The following EPHA3 variants were observed in gnomAD, a reference collection of about 807,000 sequenced individuals.
EPHA3 encodes EPH receptor A3, also known as ephrin type-A receptor 3.
Under a neutral mutation model 107.1 loss-of-function variants are expected in EPHA3, and 42 were observed. That is an observed-to-expected ratio of 0.39 (90% confidence interval 0.31 to 0.51). The LOEUF is 0.51. EPHA3 is among the 20% of genes least tolerant of loss of function. The pLI is 0.78. For missense variants in EPHA3, 1,183 were observed against 1,211.2 expected (o/e 0.98, Z 0.35); for synonymous variants, 461 against 424.8 (o/e 1.09, Z -1.05).
intron 2 of EPHA3, among the ~76,000 whole-genome samples, chr3:89,204,414 C>T (rs1197958878): frequency 1.3e-5 from 2 of 151,928 alleles, no homozygotes; most frequent in East Asian, 3.9e-4. Context: ...GATTTTCCAA[C>T]ATCAAATCTC....
chr3:89,162,802 A>G (rs1224465568), intron 2 of EPHA3, among the ~76,000 whole-genome samples: 1 of 152,164 alleles, frequency 6.6e-6, no homozygotes, highest in African/African-American at 2.4e-5. Flanking sequence ...CTGCAAAATC[A>G]CTGGATGTGC....
intron 2 of EPHA3, among the ~76,000 whole-genome samples, chr3:89,206,383 T>C (rs1289572698): frequency 6.6e-6 from 1 of 152,156 alleles, no homozygotes; most frequent in Non-Finnish European, 1.5e-5. Context: ...CAGAATAAAT[T>C]TGCAAATGAT....
chr3:89,386,463 G>A (rs2107492245), intron 5 of EPHA3, among the ~76,000 whole-genome samples: 1 of 152,288 alleles, frequency 6.6e-6, no homozygotes, highest in Non-Finnish European at 1.5e-5. Flanking sequence ...CTTCTTCCTA[G>A]TGTTGAGCCT....
chr3:89,225,857 A>C (rs1704489214), intron 3 of EPHA3, among the ~76,000 whole-genome samples: 1 of 152,156 alleles, frequency 6.6e-6, no homozygotes, highest in Non-Finnish European at 1.5e-5. Flanking sequence ...AAAGAACCCA[A>C]GGGGCTATGA....
intron 2 of EPHA3, among the ~76,000 whole-genome samples, chr3:89,200,864 A>G (rs1258184656): frequency 6.6e-6 from 1 of 152,090 alleles, no homozygotes; most frequent in African/African-American, 2.4e-5. Flanking sequence ...AGTCTGAGTG[A>G]GTATGGTCTG....
intron 3 of EPHA3, among the ~76,000 whole-genome samples, chr3:89,232,662 A>G (rs1041358052): frequency 2.0e-5 from 3 of 152,206 alleles, no homozygotes; most frequent in Non-Finnish European, 4.4e-5. Flanking sequence ...TCTTAATTTT[A>G]TGCCAGATTA....
intron 2 of EPHA3, among the ~76,000 whole-genome samples, chr3:89,192,467 C>T (rs1705742966): frequency 6.6e-6 from 1 of 151,812 alleles, no homozygotes; most frequent in African/African-American, 2.4e-5. Flanking sequence ...ATATATACTA[C>T]ATACACTAAG....
chr3:89,116,926 GA>G (rs1283155356), intron 1 of EPHA3, among the ~76,000 whole-genome samples: 1 of 151,666 alleles, frequency 6.6e-6, no homozygotes, highest in African/African-American at 2.4e-5. Flanking sequence ...CCTATTATTT[GA>G]TTTTTTTATA....
chr3:89,416,650 T>C (rs201093434), intron 10 of EPHA3, among the ~76,000 whole-genome samples: 1 of 151,520 alleles, frequency 6.6e-6, no homozygotes, highest in East Asian at 1.9e-4. Flanking sequence ...CATTTCTATG[T>C]CTTTTATAAT....
At chr3:89,478,192 C>T (rs777310329) in intron 16 of EPHA3, among the ~76,000 whole-genome samples, 1 of 152,014 alleles carries the variant, frequency 6.6e-6, no homozygotes, top group Non-Finnish European at 1.5e-5. Flanking sequence ...TATTTTAATG[C>T]CTACTTTCTG....
At chr3:89,144,175 T>G (rs1704488557) in intron 2 of EPHA3, among the ~76,000 whole-genome samples, 1 of 151,684 alleles carries the variant, frequency 6.6e-6, no homozygotes, top group Non-Finnish European at 1.5e-5. Flanking sequence ...TTTCACCATT[T>G]CAATATCATA....
At chr3:89,297,251 GCTTT>G (rs1251272746) in intron 3 of EPHA3, among the ~76,000 whole-genome samples, 1 of 152,076 alleles carries the variant, frequency 6.6e-6, no homozygotes, top group Non-Finnish European at 1.5e-5. Context: ...GCTTCTGTGG[GCTTT>G]TACACTCTTC....
rs1704096154 is a variant in EPHA3, at chr3:89,211,731, CTTCTTCTTCTCCTTCTTCTT to C, written c.814+1212_814+1231del. Among the ~76,000 whole-genome samples the C allele has an allele frequency of 1.6e-3, 17 of 10,322 alleles. 1 individual carries two copies. In the Admixed American group the frequency reaches 0.023, roughly 14 times the overall value. 6.8% of individuals were successfully genotyped at this position (10,322 alleles called of 152,430 possible). A position where few individuals can be genotyped will look rare whatever the true frequency, so the allele number is the denominator to read the frequency against. On this transcript the variant is annotated intron_variant, in intron 3 of 16. Transcript: ENST00000336596. ...TCCTCTTCCTCTTCTTCTTTTTCTT[CTTCTTCTTCTCCTTCTTCTT>C]CTTCTTCTTCTTCTTCTTCTTCTTC...
At chr3:89,435,437 TA>T (rs1709647920) in intron 13 of EPHA3, among the ~76,000 whole-genome samples, 2 of 146,048 alleles carry the variant, frequency 1.4e-5, no homozygotes, top group South Asian at 4.2e-4. Context: ...TCATCTCTGT[TA>T]AAAAATATAT....
chr3:89,217,674 G>A (rs1704251307), intron 3 of EPHA3, among the ~76,000 whole-genome samples: 1 of 152,096 alleles, frequency 6.6e-6, no homozygotes, highest in South Asian at 2.1e-4. Flanking sequence ...TTCAAATATA[G>A]AAAGACCCTG....
intron 1 of EPHA3, among the ~76,000 whole-genome samples, chr3:89,123,435 G>T (rs907826557): frequency 1.3e-5 from 2 of 151,818 alleles, no homozygotes; most frequent in South Asian, 2.1e-4. Flanking sequence ...GAGCCACCGC[G>T]CCCGCCACTA....
chr3:89,201,873 G>A (rs1705976035), intron 2 of EPHA3, among the ~76,000 whole-genome samples: 1 of 152,142 alleles, frequency 6.6e-6, no homozygotes, highest in Non-Finnish European at 1.5e-5. Flanking sequence ...AGGATGTTAA[G>A]TGTGAACTTC....
chr3:89,189,057 A>G (rs531888985), intron 2 of EPHA3, among the ~76,000 whole-genome samples: 1 of 152,318 alleles, frequency 6.6e-6, no homozygotes, highest in East Asian at 1.9e-4. Flanking sequence ...CTGGAGTGTA[A>G]TACCTGGAGT....
At chr3:89,344,641 C>T (rs548451005) in intron 5 of EPHA3, among the ~76,000 whole-genome samples, 1 of 152,186 alleles carries the variant, frequency 6.6e-6, no homozygotes, top group Admixed American at 6.5e-5. Flanking sequence ...AAATAAGCTC[C>T]CTACCACTGG....
Sources: allele counts gnomAD v4.1 joint callset (sites outside exome capture counted in the v4.1 genomes callset), GRCh38; gene constraint gnomAD v4.1.1; transcripts MANE v1.5; gene names NCBI Gene and HGNC (gene_info 2026-07-23, HGNC 2026-07-21).